The following ZNF568 variants were observed in gnomAD, a reference collection of about 807,000 sequenced individuals.
ZNF568 encodes p53 inhibitor of SCO2 activation.
ZNF568 carries 11 observed loss-of-function variants against 18.1 expected under a neutral mutation model. The observed-to-expected ratio is 0.61, with a 90% CI of 0.38 to 1.00. ZNF568 has a LOEUF of 1.00. ZNF568 is among the 50% of genes least tolerant of loss of function. The pLI, the probability that ZNF568 is intolerant of heterozygous loss-of-function variation, is 0.01. For synonymous variants in ZNF568, 213 were observed against 246.6 expected (o/e 0.86, Z 1.28); for missense variants, 639 against 768.2 (o/e 0.83, Z 1.99).
At chr19:36,918,420 C>G (rs1388554655) in intron 2 of ZNF568, among the ~76,000 whole-genome samples, 1 of 151,988 alleles carries the variant, frequency 6.6e-6, no homozygotes, top group Non-Finnish European at 1.5e-5. Flanking sequence ...TTTGTAATAC[C>G]TAATATAATG....
chr19:36,918,165 A>G (rs990982268), intron 2 of ZNF568, among the ~76,000 whole-genome samples: 1 of 152,100 alleles, frequency 6.6e-6, no homozygotes, highest in Non-Finnish European at 1.5e-5. Flanking sequence ...CCACCATGGT[A>G]GATCTCCTGA....
At chr19:36,948,468 G>C (rs974274719) in intron 6 of ZNF568, among the ~76,000 whole-genome samples, 5 of 152,062 alleles carry the variant, frequency 3.3e-5, no homozygotes, top group Non-Finnish European at 7.4e-5. Context: ...CAACTCATTG[G>C]GGTAAATACC....
intron 6 of ZNF568, among the ~76,000 whole-genome samples, chr19:36,971,009 G>A (rs575140648): frequency 2.0e-5 from 3 of 152,138 alleles, no homozygotes; most frequent in African/African-American, 7.2e-5. Flanking sequence ...TTGGGAGGCT[G>A]AGGTGGGCGG....
chr19:36,996,965 G>A, exon 5 of ZNF568: 1 of 1,540,082 alleles, frequency 6.5e-7, no homozygotes, highest in South Asian at 1.2e-5. Flanking sequence ...TACTATGAAA[G>A]TAAGGCGTGT....
At chr19:36,988,579 G>C (rs948803742) in intron 2 of ZNF568, among the ~76,000 whole-genome samples, 1 of 152,112 alleles carries the variant, frequency 6.6e-6, no homozygotes, top group Non-Finnish European at 1.5e-5. Context: ...CAGCAACAAG[G>C]GGGTGGTACT....
chr19:36,945,208 GAA>G (rs1379577336), intron 6 of ZNF568, among the ~76,000 whole-genome samples: 5 of 124,540 alleles, frequency 4.0e-5, no homozygotes, highest in Middle Eastern at 3.8e-3. Flanking sequence ...GACAGAGAGA[GAA>G]GTGTGTGTGT....
chr19:36,995,666 A>G (rs2074464000), intron 4 of ZNF568, among the ~76,000 whole-genome samples: 1 of 149,160 alleles, frequency 6.7e-6, no homozygotes, highest in South Asian at 2.2e-4. Context: ...CTAGAGTACC[A>G]TTTTTGTTCC....
At chr19:36,994,748 T>C (rs994144223) in intron 4 of ZNF568, among the ~76,000 whole-genome samples, 9 of 152,244 alleles carry the variant, frequency 5.9e-5, no homozygotes, top group Non-Finnish European at 8.8e-5. Flanking sequence ...CTCTGCTCAC[T>C]GCAACCTCCA....
Position 36,949,526 on chromosome 19 carries a change from GA to G in ZNF568, c.374del (p.Asp125ValfsTer12), listed in dbSNP as rs779725530. 2.5e-6 allele frequency: 4 copies of G among 1,582,672 alleles called. No individual in the cohort carries two copies. The highest frequency in any genetic ancestry group is 3.4e-6 in the Non-Finnish European group (4 of 1,168,282). On this transcript the variant is annotated frameshift_variant, in exon 7 of 7. Coordinates refer to ENST00000333987, the MANE Select transcript of ZNF568 (RefSeq NM_198539.4). LOFTEE classifies it low-confidence loss of function (END_TRUNC). ...CTCCATTTTAGAAGTTTGGGAAGTT[GA>G]TGAACAGATCAAGAAGCAACAGGAA... ...GRHCPEVWEVDEQIKKQQETL... is the reference protein window; with the variant it reads ...GRHCPEVWEVXEQIKKQQETL...
chr19:36,949,458 A>G (rs2074020146), intron 6 of ZNF568, 54 bp from the exon 7 acceptor site: 1 of 1,500,568 alleles, frequency 6.7e-7, no homozygotes. Context: ...TATGTTATTA[A>G]TAGTCTAGTG....
chr19:36,927,135 T>C (rs2146274207), intron 4 of ZNF568, among the ~76,000 whole-genome samples: 1 of 152,366 alleles, frequency 6.6e-6, no homozygotes, highest in East Asian at 1.9e-4. Context: ...TTTTTTGTTG[T>C]ATAGACATTG....
chr19:36,922,699 C>G lies in ZNF568; in HGVS notation c.-72C>G. 1 of 1,373,966 alleles carries G rather than the reference C, an allele frequency of 7.3e-7. No individual in the cohort carries two copies. Among genetic ancestry groups the G allele is most frequent in the Admixed American group, 1.7e-5 (1 of 58,058 alleles). The allele number at this position is 1,373,966 out of a possible 1,614,324, so 85.1% of individuals were successfully genotyped here. A position where few individuals can be genotyped will look rare whatever the true frequency, so the allele number is the denominator to read the frequency against. ...AGACCTGCCTTAGAGGCTGGAGAGT[C>G]CTGAAAGAGAGTGGACCCTGGAGTT... is the stretch of plus-strand genomic sequence containing the variant. On this transcript the variant is annotated 5_prime_UTR_variant, in exon 3 of 7. Transcript: ENST00000333987.
At chr19:36,955,212 A>G (rs2074098732), downstream of ZNF568, among the ~76,000 whole-genome samples, 1 of 151,600 alleles carries the variant, frequency 6.6e-6, no homozygotes. Flanking sequence ...TTTTGTCTAA[A>G]CAGTTGTTTT....
intron 6 of ZNF568, among the ~76,000 whole-genome samples, chr19:36,939,189 C>T (rs2073837615): frequency 6.6e-6 from 1 of 152,132 alleles, no homozygotes. Flanking sequence ...GTGTCTCTTC[C>T]ATCTTCCTAT....
intron 4 of ZNF568, among the ~76,000 whole-genome samples, chr19:36,992,126 C>T (rs770569965): frequency 6.6e-6 from 1 of 151,214 alleles, no homozygotes; most frequent in Non-Finnish European, 1.5e-5. Flanking sequence ...GCCTGTAATC[C>T]CACCTACTCA....
chr19:36,991,824 G>A, exon 4 of ZNF568: 1 of 1,576,350 alleles, frequency 6.3e-7, no homozygotes, highest in Non-Finnish European at 8.6e-7. Flanking sequence ...TTAAGAGGAA[G>A]GAGACAAAAG....
chr19:36,940,091 G>T (rs1376133850), intron 6 of ZNF568, among the ~76,000 whole-genome samples: 1 of 151,978 alleles, frequency 6.6e-6, no homozygotes, highest in Non-Finnish European at 1.5e-5. Context: ...TCTCTCACTG[G>T]ACATCACCCA....
chr19:36,945,951 C>T (rs1436650438), intron 6 of ZNF568, among the ~76,000 whole-genome samples: 5 of 151,602 alleles, frequency 3.3e-5, no homozygotes, highest in East Asian at 1.9e-4. Context: ...AAAAATTAGC[C>T]GGGCGTGGTG....
chr19:36,947,006 TTTTGTTTGTTTG>T (rs141590920), intron 6 of ZNF568, among the ~76,000 whole-genome samples: 2 of 149,376 alleles, frequency 1.3e-5, no homozygotes, highest in Admixed American at 6.7e-5. Context: ...CTAGAAGATT[TTTTGTTTGTTTG>T]TTTGTTTGTT....
Sources: gnomAD v4.1 joint callset for allele counts (sites outside exome capture counted in the v4.1 genomes callset) on GRCh38, gnomAD v4.1.1 for gene constraint, MANE v1.5 for transcripts, NCBI Gene and HGNC (gene_info 2026-07-23, HGNC 2026-07-21) for gene names.